Variants in CADPS2 observed in about 807,000 individuals in gnomAD.
CADPS2 encodes calcium-dependent secretion activator 2.
Under a neutral mutation model 172.5 loss-of-function variants are expected in CADPS2, and 93 were observed. The observed-to-expected ratio is 0.54, with a 90% CI of 0.46 to 0.64. The LOEUF is 0.64. CADPS2 is among the 30% of genes least tolerant of loss of function. The pLI, the probability that CADPS2 is intolerant of heterozygous loss-of-function variation, is 0.00. For synonymous variants in CADPS2, 546 were observed against 555.2 expected (o/e 0.98, Z 0.23); for missense variants, 1,420 against 1,565.9 (o/e 0.91, Z 1.57).
rs189814605 is a variant in CADPS2 at position 122,776,538 on chromosome 7, T to C, written c.340-39470A>G. On this transcript the variant is annotated intron_variant, in intron 1 of 29. Transcript: ENST00000449022. ...ACTTTGAAACTGAGGAACAGGCAGA[T>C]TGGAACAGTTTGGAGGGCTCAGAAA... is the stretch of plus-strand genomic sequence containing the variant. Among the ~76,000 whole-genome samples the C allele has an allele frequency of 1.2e-3, 176 of 151,300 alleles. 2 individuals are homozygous for C. Among genetic ancestry groups the C allele is most frequent in the East Asian group, 0.01 (52 of 5,128 alleles).
At chr7:122,469,532 G>A (rs1563423418) in intron 14 of CADPS2, among the ~76,000 whole-genome samples, 2 of 152,124 alleles carry the variant, frequency 1.3e-5, no homozygotes, top group South Asian at 4.1e-4. Flanking sequence ...TAAGTGCAGA[G>A]GGTTGAGTGT....
At chr7:122,537,559 A>T (rs2131488997) in intron 8 of CADPS2, among the ~76,000 whole-genome samples, 1 of 151,996 alleles carries the variant, frequency 6.6e-6, no homozygotes, top group East Asian at 1.9e-4. Context: ...AATAAAACAA[A>T]TAAAAACAAA....
intron 14 of CADPS2, among the ~76,000 whole-genome samples, chr7:122,462,065 C>G (rs1018604854): frequency 6.6e-6 from 1 of 151,914 alleles, no homozygotes; most frequent in African/African-American, 2.4e-5. Flanking sequence ...GTATAAGAGT[C>G]CATTTATAGG....
At chr7:122,453,753 T>C (rs867027810) in intron 14 of CADPS2, among the ~76,000 whole-genome samples, 5 of 152,158 alleles carry the variant, frequency 3.3e-5, no homozygotes, top group African/African-American at 1.2e-4. Context: ...AGTTGTCCTA[T>C]CATATTAGAT....
chr7:122,625,278 G>A (rs1262560683), intron 4 of CADPS2, among the ~76,000 whole-genome samples: 7 of 152,128 alleles, frequency 4.6e-5, no homozygotes, highest in Middle Eastern at 3.4e-3. Flanking sequence ...TCAAACTCCC[G>A]ACCTCAGGTA....
At chr7:122,715,790 CCCTAGTAAGGTACTA>C (rs1564156096) in intron 2 of CADPS2, among the ~76,000 whole-genome samples, 1 of 151,996 alleles carries the variant, frequency 6.6e-6, no homozygotes, top group Non-Finnish European at 1.5e-5. Context: ...CATGGTCTGC[CCCTAGTAAGGTACTA>C]CCAAAGCTTA....
In CADPS2 at chr7:122,416,196, T is replaced by C. The variant is rs17144402; in HGVS notation, c.2477-32A>G. ...GAAAAAAAATCATAATCATGTTACCTTGAAAATAAAAAGCCAAACATATTT... is the reference window on the plus strand; with the variant it reads ...GAAAAAAAATCATAATCATGTTACCCTGAAAATAAAAAGCCAAACATATTT... On this transcript the variant is annotated intron_variant, in intron 17 of 29. Coordinates refer to ENST00000449022, the MANE Select transcript of CADPS2 (RefSeq NM_017954.11). 1,256 of 1,350,192 alleles carry C rather than the reference T, an allele frequency of 9.3e-4. 14 individuals carry two copies. The African/African-American group carries it at 0.016, about 17-fold the overall frequency. The allele number at this position is 1,350,192 out of a possible 1,614,324, so 83.6% of individuals were successfully genotyped here.
At chr7:122,842,179 G>A (rs1196454061) in intron 1 of CADPS2, among the ~76,000 whole-genome samples, 4 of 152,170 alleles carry the variant, frequency 2.6e-5, no homozygotes, top group Non-Finnish European at 5.9e-5. Flanking sequence ...AAGAGCCAGG[G>A]GAATGAACAT....
chr7:122,684,733 C>T (rs1454493101), intron 2 of CADPS2, among the ~76,000 whole-genome samples: 5 of 152,060 alleles, frequency 3.3e-5, no homozygotes, highest in African/African-American at 1.2e-4. Context: ...TTTCTAAAAG[C>T]CAAACCATTA....
At chr7:122,488,797 A>C (rs2058055805) in intron 11 of CADPS2, among the ~76,000 whole-genome samples, 2 of 152,212 alleles carry the variant, frequency 1.3e-5, no homozygotes, top group African/African-American at 4.8e-5. Context: ...TAGCGAGTTA[A>C]AGTTTTTTGG....
At chr7:122,819,127 T>C (rs1309190088) in intron 1 of CADPS2, among the ~76,000 whole-genome samples, 1 of 152,152 alleles carries the variant, frequency 6.6e-6, no homozygotes, top group African/African-American at 2.4e-5. Context: ...ACACAAGAAC[T>C]TCCAAACGCC....
At chr7:122,839,295 C>T (rs1809615806) in intron 1 of CADPS2, among the ~76,000 whole-genome samples, 1 of 152,090 alleles carries the variant, frequency 6.6e-6, no homozygotes, top group African/African-American at 2.4e-5. Context: ...GGATTAAAGA[C>T]TTAAATGTTA....
chr7:122,566,093 A>C (rs571389909), intron 7 of CADPS2, among the ~76,000 whole-genome samples: 1 of 152,294 alleles, frequency 6.6e-6, no homozygotes, highest in East Asian at 1.9e-4. Context: ...AGCTTGATTA[A>C]ATGACAAGAT....
chr7:122,653,191 A>C (rs1199338939), intron 3 of CADPS2, among the ~76,000 whole-genome samples: 1 of 152,126 alleles, frequency 6.6e-6, no homozygotes, highest in Admixed American at 6.6e-5. Flanking sequence ...CTCGATCCTG[A>C]GCTTCTGACT....
intron 7 of CADPS2, among the ~76,000 whole-genome samples, chr7:122,580,844 T>C (rs2068715451): frequency 6.6e-6 from 1 of 152,064 alleles, no homozygotes; most frequent in Admixed American, 6.6e-5. Context: ...GGGACAAAAA[T>C]ATGTTACATG....
At chr7:122,681,816 T>C (rs1038371220) in intron 2 of CADPS2, among the ~76,000 whole-genome samples, 5 of 151,450 alleles carry the variant, frequency 3.3e-5, no homozygotes, top group Admixed American at 1.3e-4. Context: ...AGACCAAATA[T>C]AAAGCCTTGA....
intron 3 of CADPS2, among the ~76,000 whole-genome samples, chr7:122,655,696 C>T (rs965099916): frequency 2.0e-5 from 3 of 151,904 alleles, no homozygotes; most frequent in African/African-American, 2.4e-5. Flanking sequence ...GGTATGCTTG[C>T]ATAGCATTCA....
intron 17 of CADPS2, among the ~76,000 whole-genome samples, chr7:122,432,194 G>C (rs1427534324): frequency 6.6e-6 from 1 of 152,164 alleles, no homozygotes; most frequent in Non-Finnish European, 1.5e-5. Context: ...TCTGAGAGAT[G>C]CAAGTATGAA....
chr7:122,629,100 T>C lies in CADPS2; in HGVS notation c.867+148A>G, dbSNP rs2471210. On this transcript the variant is annotated intron_variant, in intron 4 of 29. Transcript: ENST00000449022. ...ATTTAGATAACATGCTTTCAGATAT[T>C]TGGGATTAAGAGGTCTATGTGTAGA... 1,236 of 492,282 alleles carry C rather than the reference T, an allele frequency of 2.5e-3. 10 individuals carry two copies. Among genetic ancestry groups the C allele is most frequent in the African/African-American group, 0.022 (1,127 of 50,670 alleles). 30.5% of individuals were successfully genotyped at this position (492,282 alleles called of 1,614,324 possible). A position where few individuals can be genotyped will look rare whatever the true frequency, so the allele number is the denominator to read the frequency against.
Sources: allele counts gnomAD v4.1 joint callset (sites outside exome capture counted in the v4.1 genomes callset), GRCh38; gene constraint gnomAD v4.1.1; transcripts MANE v1.5; gene names NCBI Gene and HGNC (gene_info 2026-07-23, HGNC 2026-07-21).